Variants in NDUFS2 observed in about 807,000 individuals in gnomAD.
NDUFS2 encodes NADH dehydrogenase [ubiquinone] iron-sulfur protein 2, mitochondrial.
NDUFS2 carries 38 observed loss-of-function variants against 69.6 expected under a neutral mutation model. The observed-to-expected ratio is 0.55, with a 90% confidence interval of 0.42 to 0.72. The LOEUF is 0.72. NDUFS2 is among the 30% of genes least tolerant of loss of function. NDUFS2 has a pLI of 0.00. For synonymous variants in NDUFS2, 194 were observed against 211.2 expected (o/e 0.92, Z 0.70); for missense variants, 468 against 595.0 (o/e 0.79, Z 2.22).
intron 3 of NDUFS2, among the ~76,000 whole-genome samples, chr1:161,207,497 T>A (rs1438742826): frequency 1.3e-5 from 2 of 152,166 alleles, no homozygotes; most frequent in African/African-American, 2.4e-5. Context: ...CTCACGCCTG[T>A]AATCCCAGCA....
upstream of NDUFS2, among the ~76,000 whole-genome samples, chr1:161,200,574 C>G (rs1436541535): frequency 6.6e-6 from 1 of 152,118 alleles, no homozygotes; most frequent in Non-Finnish European, 1.5e-5. Context: ...CCCTCCCTTC[C>G]TGCTCAGGTC....
At position 161,212,343 on chromosome 1, in the gene NDUFS2, T is replaced by A. The variant is rs1345051671; in HGVS notation, c.987-8T>A. 6.2e-7 allele frequency: 1 copy of A among 1,613,320 alleles called. No individual in the cohort carries two copies. Among genetic ancestry groups the A allele is most frequent in the Non-Finnish European group, 8.5e-7 (1 of 1,179,476 alleles). The stretch of plus-strand genomic sequence containing the variant: ...TGTTCTTCTCTTGCTCTGTCTCATC[T>A]TCTTGAGGTACCTGTGCCGGGTGGA... On this transcript the variant is annotated splice_polypyrimidine_tract_variant and splice_region_variant and intron_variant, in intron 9 of 13. Coordinates refer to ENST00000676972, the MANE Select transcript of NDUFS2 (RefSeq NM_001377299.1).
intron 1 of NDUFS2, among the ~76,000 whole-genome samples, chr1:161,203,011 A>C (rs1034264063): frequency 6.6e-6 from 1 of 152,158 alleles, no homozygotes; most frequent in Admixed American, 6.5e-5. Flanking sequence ...TGGCATTAAA[A>C]AATCCAGGAC....
chr1:161,211,141 T>C (rs1665750235), intron 9 of NDUFS2, among the ~76,000 whole-genome samples: 1 of 152,198 alleles, frequency 6.6e-6, no homozygotes, highest in African/African-American at 2.4e-5. Context: ...TCCAAAATTG[T>C]TGGGATTATA....
At chr1:161,199,433 G>A (rs1019819679), upstream of NDUFS2, 2 of 152,338 alleles carry the variant, frequency 1.3e-5, no homozygotes, top group African/African-American at 4.8e-5. Context: ...CTTTTCTCAA[G>A]GCTCCCTCAT....
At chr1:161,197,920 G>C (rs575212015), upstream of NDUFS2, 1 of 1,506,644 alleles carries the variant, frequency 6.6e-7, no homozygotes, top group Non-Finnish European at 8.9e-7. Context: ...AGTGGGTGGA[G>C]AGAGGGTGAA....
At chr1:161,199,288 G>A (rs1558079317), upstream of NDUFS2, 1 of 152,390 alleles carries the variant, frequency 6.6e-6, no homozygotes, top group African/African-American at 2.4e-5. Flanking sequence ...GCCCTCAGCT[G>A]TCTCTTTCCC....
Position 161,209,951 on chromosome 1 carries a change from C to G in NDUFS2, c.702+20C>G, listed in dbSNP as rs1203789212. 1.9e-5 allele frequency: 31 copies of G among 1,613,060 alleles called. No homozygotes were observed. The highest frequency in any genetic ancestry group is 2.4e-5 in the Non-Finnish European group (28 of 1,179,376). On this transcript the variant is annotated intron_variant, in intron 6 of 13. Coordinates refer to ENST00000676972, the MANE Select transcript of NDUFS2 (RefSeq NM_001377299.1). The stretch of plus-strand genomic sequence containing the variant: ...CACCAGGTGAGCAGGTCCCCGGCTT[C>G]CCCAAATGTCCAGCCCAGGCCTATT...
chr1:161,202,402 C>G lies in NDUFS2; in HGVS notation c.17C>G (p.Ala6Gly), dbSNP rs760128807. The change falls in exon 1 of 14, where the codon GCT becomes GGT. Residue 6 changes from alanine (A) to glycine (G), a missense_variant. Ala to Gly is a moderately conservative substitution (Grantham distance 60). Coordinates refer to ENST00000676972, the MANE Select transcript of NDUFS2 (RefSeq NM_001377299.1). ...CGGAGTAAGATGGCGGCGCTGAGGG[C>G]TTTGTGCGGCTTCCGGGGCGTCGCG... MAALRALCGFRGVAAQ... is the reference protein window; with the variant it reads MAALRGLCGFRGVAAQ... 4.3e-6 allele frequency: 7 copies of G among 1,612,546 alleles called. No homozygotes were observed. The South Asian group carries it at 4.4e-5, about 10-fold the overall frequency.
At chr1:161,205,658 C>G (rs140453429) in intron 2 of NDUFS2, among the ~76,000 whole-genome samples, 20 of 152,028 alleles carry the variant, frequency 1.3e-4, no homozygotes, top group African/African-American at 4.8e-4. Context: ...GTCCCAGCTA[C>G]TCTGGAGGCT....
At position 161,214,214 on chromosome 1, in the gene NDUFS2, C is replaced by T. The variant is rs763432532; in HGVS notation, c.*21C>T. The T allele has an allele frequency of 1.6e-5, 25 of 1,602,104 alleles. No individual in the cohort carries two copies. Among genetic ancestry groups the T allele is most frequent in the Non-Finnish European group, 2.1e-5 (25 of 1,169,582 alleles). On this transcript the variant is annotated 3_prime_UTR_variant, in exon 14 of 14. Coordinates refer to ENST00000676972, the MANE Select transcript of NDUFS2 (RefSeq NM_001377299.1). ...GGTGAGCAGGGGAGCAGCGTTTGAT[C>T]CCCCCTGCCTATCAGCTTCTTCTGT...
chr1:161,198,629 G>A (rs759911058), upstream of NDUFS2: 12 of 1,506,932 alleles, frequency 8.0e-6, no homozygotes, highest in Non-Finnish European at 8.9e-6. This position sits in a 1 kb window ranked among gnomAD's most constrained non-coding sequence, Gnocchi z 4.7. Flanking sequence ...CTGGGACATG[G>A]CACTGGTACT....
intron 1 of NDUFS2, among the ~76,000 whole-genome samples, chr1:161,202,998 A>C (rs769363121): frequency 1.3e-5 from 2 of 152,110 alleles, no homozygotes; most frequent in African/African-American, 2.4e-5. Context: ...CAGATCAGTG[A>C]CTTGGCATTA....
chr1:161,208,381 A>C, intron 3 of NDUFS2, among the ~76,000 whole-genome samples: 1 of 151,632 alleles, frequency 6.6e-6, no homozygotes, highest in East Asian at 1.9e-4. Flanking sequence ...TCTCACTGCA[A>C]CCTCTGCTTC....
intron 10 of NDUFS2, 28 bp downstream of exon 10, chr1:161,212,508 G>T: frequency 1.2e-6 from 2 of 1,608,272 alleles, no homozygotes; most frequent in Non-Finnish European, 1.7e-6. Flanking sequence ...GGAAAGTGTG[G>T]GGTGTTGGAA....
chr1:161,202,011 G>A (rs1665151453), upstream of NDUFS2: 1 of 383,512 alleles, frequency 2.6e-6, no homozygotes, highest in South Asian at 2.2e-5. Context: ...CAGGACTAAA[G>A]CATGAGGGCG....
At chr1:161,209,170 C>T in intron 3 of NDUFS2, 23 bp from the exon 4 acceptor site, 5 of 1,614,176 alleles carry the variant, frequency 3.1e-6, no homozygotes, top group Non-Finnish European at 4.2e-6. Flanking sequence ...TTAGATGTGA[C>T]CCACATTCCT....
chr1:161,213,541 A>G (rs1230287377), intron 11 of NDUFS2, 66 bp downstream of exon 11: 9 of 1,532,594 alleles, frequency 5.9e-6, no homozygotes, highest in Non-Finnish European at 9.0e-7. Flanking sequence ...ATGTTTAACA[A>G]ATAGCTCATT....
chr1:161,202,064 CA>C, upstream of NDUFS2: 1 of 451,418 alleles, frequency 2.2e-6, no homozygotes, highest in Non-Finnish European at 4.1e-6. Flanking sequence ...CGCGCGTTTC[CA>C]AGATACGCAG....
Sources: allele counts gnomAD v4.1 joint callset (sites outside exome capture counted in the v4.1 genomes callset), GRCh38; gene constraint gnomAD v4.1.1; non-coding constraint Gnocchi (gnomAD v3.1); transcripts MANE v1.5; gene names NCBI Gene and HGNC (gene_info 2026-07-23, HGNC 2026-07-21).